CUX1: variants seen among roughly 807,000 people sequenced by gnomAD.
The protein encoded by CUX1 is protein CASP.
CUX1 carries 31 observed loss-of-function variants against 158.8 expected under a neutral mutation model. The ratio of observed to expected loss-of-function variants is 0.20; its 90% CI spans 0.15 to 0.26. The LOEUF (loss-of-function observed/expected upper bound fraction) is 0.26. Among genes scored for constraint, CUX1 ranks in the 10% least tolerant of loss-of-function variants. The probability of loss-of-function intolerance (pLI) is 1.00; values close to 1 mark genes in which losing one functional copy is unlikely to be tolerated. For missense variants in CUX1, 1,589 were observed against 2,014.6 expected (o/e 0.79, Z 4.04); for synonymous variants, 879 against 862.1 (o/e 1.02, Z -0.34).
chr7:102,134,580 G>A (rs1441372264), intron 8 of CUX1, among the ~76,000 whole-genome samples: 6 of 152,048 alleles, frequency 3.9e-5, no homozygotes, highest in African/African-American at 1.2e-4. Context: ...TTCCCCCACC[G>A]CTTTGCACAG....
chr7:101,913,587 C>T (rs989063888), intron 1 of CUX1: 4 of 249,330 alleles, frequency 1.6e-5, no homozygotes, highest in South Asian at 4.7e-5. Flanking sequence ...TCTTCCCCAG[C>T]GTTTCCCACA....
intron 3 of CUX1, among the ~76,000 whole-genome samples, chr7:102,066,389 GGT>G (rs1482155326): frequency 6.6e-6 from 1 of 152,134 alleles, no homozygotes; most frequent in Non-Finnish European, 1.5e-5. Context: ...CACCTTCACA[GGT>G]ATTGGGGGTC....
At chr7:101,996,556 GT>G (rs1199712822) in intron 2 of CUX1, among the ~76,000 whole-genome samples, 1 of 151,956 alleles carries the variant, frequency 6.6e-6, no homozygotes, top group Admixed American at 6.6e-5. Context: ...GCGCACAGTG[GT>G]TTCCAAGGGA....
chr7:102,232,880 G>A (rs1799151987), intron 21 of CUX1, among the ~76,000 whole-genome samples: 1 of 152,186 alleles, frequency 6.6e-6, no homozygotes, highest in Admixed American at 6.5e-5. Context: ...AGCCTAGACT[G>A]CAAAAGCAGA....
rs548408422 is a variant in CUX1, at chr7:102,196,695, C to T, written c.1284C>T (p.Ala428=). The change falls in exon 15 of 24, where the codon GCC becomes GCT. Residue 428 remains alanine, a synonymous_variant. Transcript: ENST00000292535. ...PESRRPGSLP[A]PPPSQLPRNP... ...GTCGGCGCCCGGGATCTTTGCCGGC[C>T]CCCCCTCCTTCTCAGTTGCCCCGCA... 5.0e-6 allele frequency: 8 copies of T among 1,606,284 alleles called. No homozygotes were observed. The East Asian group carries it at 1.6e-4, about 31-fold the overall frequency.
Position 102,170,531 on chromosome 7 carries a change from T to C in CUX1, c.809T>C (p.Ile270Thr), listed in dbSNP as rs1554510121. 1.3e-6 allele frequency: 2 copies of C among 1,584,496 alleles called. No individual in the cohort carries two copies. Among genetic ancestry groups the C allele is most frequent in the Admixed American group, 1.8e-5 (1 of 56,786 alleles). Residue 270 changes from isoleucine to threonine, a missense_variant, in exon 10 of 24, where the codon ATC becomes ACC. Physicochemically the swap from Ile to Thr is moderately conservative, Grantham distance 89. This residue lies in a region of CUX1 where 515 missense variants were observed against 574.4 expected (regional missense o/e 0.90). Transcript: ENST00000292535. Reference protein sequence around the residue: ...ANHSLQLASQIQKAPDVEQAI... With the variant: ...ANHSLQLASQTQKAPDVEQAI... ...CACTCCCTCCAGCTGGCCTCACAGA[T>C]CCAGAAGGCACCAGACGTGGTGGGT...
At chr7:102,217,460 A>C (rs1400747065) in intron 20 of CUX1, among the ~76,000 whole-genome samples, 1 of 152,218 alleles carries the variant, frequency 6.6e-6, no homozygotes, top group African/African-American at 2.4e-5. Flanking sequence ...CTCCTCGTGC[A>C]TTTCAGGCCA....
intron 1 of CUX1, chr7:101,913,448 C>G (rs1306127475): frequency 8.2e-7 from 1 of 1,226,062 alleles, no homozygotes; most frequent in African/African-American, 1.6e-5. Context: ...GGTGGGTTCA[C>G]CTTGCACCGG....
At chr7:101,891,439 G>A (rs1800864892) in intron 1 of CUX1, among the ~76,000 whole-genome samples, 1 of 152,116 alleles carries the variant, frequency 6.6e-6, no homozygotes, top group African/African-American at 2.4e-5. Flanking sequence ...TCCCAGGCTG[G>A]TCTCAAACTC....
At chr7:101,922,322 T>C (rs1281651428) in intron 2 of CUX1, among the ~76,000 whole-genome samples, 1 of 152,208 alleles carries the variant, frequency 6.6e-6, no homozygotes, top group East Asian at 1.9e-4. Flanking sequence ...CTTCTGACTG[T>C]AGACTTTCCC....
In CUX1 at chr7:101,860,087, C is replaced by A. The variant is rs775211214; in HGVS notation, c.30+42418C>A. ...CTCTGTCTCTCCCCCCTTCTCCCCT[C>A]TCCTATCCTCTTCTTCCTTTTTTCT... On this transcript the variant is annotated intron_variant, in intron 1 of 23. Transcript: ENST00000292535. Among the ~76,000 whole-genome samples, 3 of 151,664 alleles carry A rather than the reference C, an allele frequency of 2.0e-5. No homozygotes were observed. The East Asian group carries it at 5.9e-4, about 30-fold the overall frequency.
At chr7:102,230,257 C>T (rs913407630) in intron 21 of CUX1, among the ~76,000 whole-genome samples, 6 of 152,034 alleles carry the variant, frequency 3.9e-5, no homozygotes, top group African/African-American at 1.4e-4. Flanking sequence ...AGGTGGATCA[C>T]CTGAGGCCAG....
chr7:101,843,714 C>T (rs942363497), intron 1 of CUX1, among the ~76,000 whole-genome samples: 1 of 152,122 alleles, frequency 6.6e-6, no homozygotes, highest in African/African-American at 2.4e-5. Flanking sequence ...ATAGGGACCT[C>T]GTTTCCTCCC....
At chr7:102,184,737 C>T (rs1563368991) in intron 11 of CUX1, among the ~76,000 whole-genome samples, 1 of 152,190 alleles carries the variant, frequency 6.6e-6, no homozygotes, top group South Asian at 2.1e-4. Flanking sequence ...GCCTCAACCT[C>T]CAGGGCTCAA....
At position 102,235,441 on chromosome 7, in the gene CUX1, C is replaced by G. The variant is rs1799454825; in HGVS notation, c.3622+1201C>G. Among the ~76,000 whole-genome samples, 6 of 152,276 alleles carry G rather than the reference C, an allele frequency of 3.9e-5. No individual in the cohort carries two copies. In the South Asian group the frequency reaches 1.2e-3, roughly 32 times the overall value. On this transcript the variant is annotated intron_variant, in intron 22 of 23. Transcript: ENST00000292535. ...AGGGGCCGGGCACAGTGGCTCATGTCTGTAATCCCAGCACTTTGGGAGTCC... is the reference window on the plus strand; with the variant it reads ...AGGGGCCGGGCACAGTGGCTCATGTGTGTAATCCCAGCACTTTGGGAGTCC...
downstream of CUX1, among the ~76,000 whole-genome samples, chr7:102,262,857 C>T (rs192653284): frequency 7.0e-3 from 1,065 of 152,228 alleles, 13 homozygotes; most frequent in African/African-American, 0.024. Context: ...TGGGCCGCTG[C>T]CTTACACGCT....
At chr7:102,113,240 T>C (rs1408518831) in intron 7 of CUX1, among the ~76,000 whole-genome samples, 1 of 152,134 alleles carries the variant, frequency 6.6e-6, no homozygotes, top group Non-Finnish European at 1.5e-5. Context: ...TTTTTAATTA[T>C]TTATTTATTT....
Position 102,253,259 on chromosome 7 carries a change from G to A in CUX1, c.*4217G>A. 5.1e-6 allele frequency: 5 copies of A among 985,608 alleles called. No individual in the cohort carries two copies. Among genetic ancestry groups the A allele is most frequent in the Non-Finnish European group, 6.0e-6 (5 of 830,044 alleles). 61.1% of individuals were successfully genotyped at this position (985,608 alleles called of 1,614,324 possible). A position where few individuals can be genotyped will look rare whatever the true frequency, so the allele number is the denominator to read the frequency against. On this transcript the variant is annotated 3_prime_UTR_variant, in exon 24 of 24. Coordinates refer to ENST00000292535, the MANE Select transcript of CUX1 (RefSeq NM_181552.4). Reference sequence around the variant, plus strand: ...CCTTTCTGGCCACCGCCCAAGCCCAGGTGGCCAGCTCTCATACCCCATCTC... The same window carrying A: ...CCTTTCTGGCCACCGCCCAAGCCCAAGTGGCCAGCTCTCATACCCCATCTC...
At position 102,249,730 on chromosome 7, in the gene CUX1, T is replaced by C. The variant is rs1043908165; in HGVS notation, c.*688T>C. 1 of 985,650 alleles carries C rather than the reference T, an allele frequency of 1.0e-6. No homozygotes were observed. The allele number at this position is 985,650 out of a possible 1,614,324, so 61.1% of individuals were successfully genotyped here. A position where few individuals can be genotyped will look rare whatever the true frequency, so the allele number is the denominator to read the frequency against. On this transcript the variant is annotated 3_prime_UTR_variant, in exon 24 of 24. Transcript: ENST00000292535. ...TTAAAAAAGAAAGTTTTTGTAGCTG[T>C]TCAGTTGCCACTAAGAGATTGCACA...
Sources: gnomAD v4.1 joint callset for allele counts (sites outside exome capture counted in the v4.1 genomes callset) on GRCh38, gnomAD v4.1.1 for gene constraint, gnomAD v4.1.1 regional missense constraint, MANE v1.5 for transcripts, NCBI Gene and HGNC (gene_info 2026-07-23, HGNC 2026-07-21) for gene names.